NOS3: variants seen among roughly 807,000 people sequenced by gnomAD.
NOS3 encodes NOS type III.
Under a neutral mutation model 144.9 loss-of-function variants are expected in NOS3, and 98 were observed. That is an observed-to-expected ratio of 0.68 (90% CI 0.57 to 0.80). NOS3 has a LOEUF of 0.80. Among genes scored for constraint, NOS3 ranks in the 30% least tolerant of loss-of-function variants. The pLI is 0.00. For synonymous variants in NOS3, 714 were observed against 702.4 expected (o/e 1.02, Z -0.26); for missense variants, 1,465 against 1,656.4 (o/e 0.88, Z 2.01).
chr7:150,998,654 G>C lies in NOS3; in HGVS notation c.790G>C (p.Asp264His). The C allele has an allele frequency of 6.2e-7, 1 of 1,608,116 alleles. No homozygotes were observed. The highest frequency in any genetic ancestry group is 8.5e-7 in the Non-Finnish European group (1 of 1,178,590). ...YRQQDGSVRG[D>H]PANVEITELC... ...GCAGCAGGATGGCTCTGTGCGGGGGGACCCAGCCAACGTGGAGATCACCGA... is the reference window on the plus strand; with the variant it reads ...GCAGCAGGATGGCTCTGTGCGGGGGCACCCAGCCAACGTGGAGATCACCGA... Residue 264 changes from aspartate to histidine, a missense_variant, in exon 7 of 27, where the codon GAC becomes CAC. Asp to His is a moderately conservative substitution (Grantham distance 81). This residue lies in a region of NOS3 where 374 missense variants were observed against 377.0 expected (regional missense o/e 0.99). Transcript: ENST00000297494. This position sits in a 1 kb window ranked among gnomAD's most constrained non-coding sequence, Gnocchi z 5.0.
At position 151,006,804 on chromosome 7, in the gene NOS3, C is replaced by T. The variant is rs34372288; in HGVS notation, c.1821-85C>T. ...CTTTCCTGTCCCAGAGGCAGAGACC[C>T]TGAAGCCGTCCCTGGGGCTGGGGCT... On this transcript the variant is annotated intron_variant, in intron 15 of 26. Transcript: ENST00000297494. 224 of 1,105,310 alleles carry T rather than the reference C, an allele frequency of 2.0e-4. 1 individual carries two copies. The African/African-American group carries it at 2.8e-3, about 14-fold the overall frequency. 68.5% of individuals were successfully genotyped at this position (1,105,310 alleles called of 1,614,324 possible).
Position 151,002,004 on chromosome 7 carries a change from G to T in NOS3, c.1647+39G>T. On this transcript the variant is annotated intron_variant, in intron 13 of 26. Coordinates refer to ENST00000297494, the MANE Select transcript of NOS3 (RefSeq NM_000603.5). The surrounding 1 kb of genome is among the most constrained non-coding windows in gnomAD (Gnocchi z 4.1). Reference sequence around the variant, plus strand: ...CAGGGGAGCAGGGAGCTAGAAAGAGGGGGCTCTATCAGCATCTTCAGGGGT... The same window carrying T: ...CAGGGGAGCAGGGAGCTAGAAAGAGTGGGCTCTATCAGCATCTTCAGGGGT... The T allele has an allele frequency of 1.2e-6, 2 of 1,610,088 alleles. No individual in the cohort carries two copies. Among genetic ancestry groups the T allele is most frequent in the South Asian group, 2.2e-5 (2 of 91,024 alleles).
chr7:151,000,519 C>G lies in NOS3; in HGVS notation c.1153C>G (p.Leu385Val). The G allele has an allele frequency of 6.2e-7, 1 of 1,613,242 alleles. No individual in the cohort carries two copies. Among genetic ancestry groups the G allele is most frequent in the Non-Finnish European group, 8.5e-7 (1 of 1,179,604 alleles). Residue 385 changes from leucine to valine, a missense_variant, in exon 10 of 27, where the codon CTG (leucine) becomes GTG (valine). This residue lies in a region of NOS3 where 745 missense variants were observed against 853.9 expected (regional missense o/e 0.87). Transcript: ENST00000297494. Reference sequence around the variant, plus strand: ...CCAGGATGTGGCTGTCTGCATGGACCTGGATACCCGGACCACCTCGTCCCT... The same window carrying G: ...CCAGGATGTGGCTGTCTGCATGGACGTGGATACCCGGACCACCTCGTCCCT... ...ILEDVAVCMD[L>V]DTRTTSSLWK...
At chr7:151,005,589 G>A (rs936544134) in intron 14 of NOS3, among the ~76,000 whole-genome samples, 1 of 152,302 alleles carries the variant, frequency 6.6e-6, no homozygotes, top group Non-Finnish European at 1.5e-5. Context: ...CTGCAGCTGC[G>A]AGGACGATCT....
Position 151,012,587 on chromosome 7 carries a change from C to A in NOS3, c.3106+115C>A, listed in dbSNP as rs920151704. On this transcript the variant is annotated intron_variant, in intron 24 of 26. Transcript: ENST00000297494. ...AGGGCAGGAAACAAAGTCCACAAAG[C>A]TGAAAAGACGCTCATGAGACCAAGG... The A allele has an allele frequency of 4.3e-5, 56 of 1,313,132 alleles. No homozygotes were observed. In the Middle Eastern group the frequency reaches 5.9e-4, roughly 14 times the overall value. The allele number at this position is 1,313,132 out of a possible 1,614,324, so 81.3% of individuals were successfully genotyped here.
Position 151,002,442 on chromosome 7 carries a change from ACACACACACACG to A in NOS3, c.1752+140_1752+151del, listed in dbSNP as rs1265776431. On this transcript the variant is annotated intron_variant, in intron 14 of 26. Transcript: ENST00000297494. The surrounding 1 kb of genome is among the most constrained non-coding windows in gnomAD (Gnocchi z 4.1). ...CACACACACACACACACACACACAC[ACACACACACACG>A]CCAGGATGGAAAGGGAGATGCTAAG... is the stretch of plus-strand genomic sequence containing the variant. The A allele has an allele frequency of 2.7e-5, 13 of 474,380 alleles. No individual in the cohort carries two copies. Among genetic ancestry groups the A allele is most frequent in the African/African-American group, 2.7e-4 (12 of 44,788 alleles). The allele number at this position is 474,380 out of a possible 1,614,324, so 29.4% of individuals were successfully genotyped here. A position where few individuals can be genotyped will look rare whatever the true frequency, so the allele number is the denominator to read the frequency against.
At chr7:151,009,689 A>G (rs1795265082) in intron 20 of NOS3, 104 bp downstream of exon 20, 3 of 952,022 alleles carry the variant, frequency 3.2e-6, no homozygotes, top group Non-Finnish European at 4.5e-6. Flanking sequence ...GGGGGTGGCC[A>G]CCTCCTCCAC....
intron 2 of NOS3, among the ~76,000 whole-genome samples, chr7:150,994,780 T>C (rs977325707): frequency 3.3e-5 from 5 of 152,060 alleles, no homozygotes; most frequent in African/African-American, 1.2e-4. Context: ...CCTTCACACA[T>C]GGGGCTGCTG....
rs896170904 is a variant in NOS3 at position 150,998,260 on chromosome 7, G to A, written c.583-97G>A. 2.8e-6 allele frequency: 3 copies of A among 1,072,148 alleles called. No individual in the cohort carries two copies. The highest frequency in any genetic ancestry group is 1.6e-5 in the African/African-American group (1 of 64,328). The allele number at this position is 1,072,148 out of a possible 1,614,324, so 66.4% of individuals were successfully genotyped here. A position where few individuals can be genotyped will look rare whatever the true frequency, so the allele number is the denominator to read the frequency against. On this transcript the variant is annotated intron_variant, in intron 5 of 26. Transcript: ENST00000297494. The surrounding 1 kb of genome is among the most constrained non-coding windows in gnomAD (Gnocchi z 5.0). ...AGGAGGGCGCCATGGAGTGAACCAT[G>A]GCCCCTGCCTCCTCACCAGCAGCTC...
Position 150,993,368 on chromosome 7 carries a change from G to T in NOS3, c.-51-385G>T, listed in dbSNP as rs960300222. Among the ~76,000 whole-genome samples, 8 of 152,156 alleles carry T rather than the reference G, an allele frequency of 5.3e-5. No individual in the cohort carries two copies. Among genetic ancestry groups the T allele is most frequent in the African/African-American group, 1.9e-4 (8 of 41,414 alleles). On this transcript the variant is annotated intron_variant, in intron 1 of 26. Coordinates refer to ENST00000297494, the MANE Select transcript of NOS3 (RefSeq NM_000603.5). The surrounding 1 kb of genome is among the most constrained non-coding windows in gnomAD (Gnocchi z 4.0). The stretch of plus-strand genomic sequence containing the variant: ...GCTGCCATCCCCTGCTACAGAAACG[G>T]TGCTCACCTTCTGCCCAACCCTCCA...
Position 151,002,442 on chromosome 7 carries a change from AC to A in NOS3, c.1752+139del. 1 of 474,380 alleles carries A rather than the reference AC, an allele frequency of 2.1e-6. No homozygotes were observed. Among genetic ancestry groups the A allele is most frequent in the Non-Finnish European group, 3.8e-6 (1 of 266,296 alleles). 29.4% of individuals were successfully genotyped at this position (474,380 alleles called of 1,614,324 possible). ...CACACACACACACACACACACACAC[AC>A]ACACACACACGCCAGGATGGAAAGG... On this transcript the variant is annotated intron_variant, in intron 14 of 26. Coordinates refer to ENST00000297494, the MANE Select transcript of NOS3 (RefSeq NM_000603.5). The surrounding 1 kb of genome is among the most constrained non-coding windows in gnomAD (Gnocchi z 4.1).
rs1245054601 is a variant in NOS3, at chr7:150,996,913, G to A, written c.570G>A (p.Trp190Ter). The A allele has an allele frequency of 6.4e-7, 1 of 1,573,432 alleles. No homozygotes were observed. Among genetic ancestry groups the A allele is most frequent in the Non-Finnish European group, 8.6e-7 (1 of 1,160,444 alleles). Reference protein sequence around the residue: ...NAPRCVGRIQWGKLQVFDARD... With the variant: ...NAPRCVGRIQ ...CCCGCTGCGTGGGCCGGATCCAGTGGGGGAAGCTGCAGGTGCGGCTGGCCA... is the reference window on the plus strand; with the variant it reads ...CCCGCTGCGTGGGCCGGATCCAGTGAGGGAAGCTGCAGGTGCGGCTGGCCA... The change falls in exon 5 of 27, where the codon TGG becomes TGA. Residue 190 changes from tryptophan (W) to a stop codon, truncating the protein, a stop_gained. Coordinates refer to ENST00000297494, the MANE Select transcript of NOS3 (RefSeq NM_000603.5). LOFTEE classifies it high-confidence loss of function.
Position 151,000,564 on chromosome 7 carries a change from G to A in NOS3, c.1198G>A (p.Val400Met), listed in dbSNP as rs564627807. Residue 400 changes from valine to methionine, a missense_variant, in exon 10 of 27, where the codon GTG becomes ATG. Physicochemically the swap from Val to Met is conservative, Grantham distance 21 (BLOSUM62 1). This residue lies in a region of NOS3 where 745 missense variants were observed against 853.9 expected (regional missense o/e 0.87). Transcript: ENST00000297494. ...TSSLWKDKAA[V>M]EINVAVLHSY... ...GTCCCTGTGGAAAGACAAGGCAGCAGTGGAAATCAACGTGGCCGTGCTGCA... is the reference window on the plus strand; with the variant it reads ...GTCCCTGTGGAAAGACAAGGCAGCAATGGAAATCAACGTGGCCGTGCTGCA... The A allele has an allele frequency of 5.1e-5, 82 of 1,613,578 alleles. 2 individuals are homozygous for A. The South Asian group carries it at 8.2e-4, about 16-fold the overall frequency.
Position 151,013,323 on chromosome 7 carries a change from CGCG to C in NOS3, c.3201_3203del (p.Gly1068del). On this transcript the variant is annotated inframe_deletion, in exon 25 of 27. Coordinates refer to ENST00000297494, the MANE Select transcript of NOS3 (RefSeq NM_000603.5). Reference sequence around the variant, plus strand: ...CGACGAGGTGCAGAACGCCCAGCAGCGCGGGGTGTTTGGCCGAGTCCTCACCGC... The same window carrying C: ...CGACGAGGTGCAGAACGCCCAGCAGCGGGTGTTTGGCCGAGTCCTCACCGC... 6.2e-7 allele frequency: 1 copy of C among 1,614,064 alleles called. No homozygotes were observed. The highest frequency in any genetic ancestry group is 1.1e-5 in the South Asian group (1 of 91,088).
intron 9 of NOS3, 24 bp from the exon 10 acceptor site, chr7:151,000,472 CGA>C: frequency 6.9e-7 from 1 of 1,452,506 alleles, no homozygotes. Context: ...CTGTCCCTAC[CGA>C]TGCCACACAC....
At chr7:150,991,518 A>C (rs1937754802) in intron 1 of NOS3, among the ~76,000 whole-genome samples, 1 of 152,224 alleles carries the variant, frequency 6.6e-6, no homozygotes, top group African/African-American at 2.4e-5. Context: ...GCACCAAGGA[A>C]AATGAGGGCC....
rs1448004843 is a variant in NOS3 at position 151,007,082 on chromosome 7, T to C, written c.1938-20T>C. ...ACGTGGCCTGCAAAGGGAGCTCCAC[T>C]GACGACCCCTGCACCCCAGGTTCTG... On this transcript the variant is annotated intron_variant, in intron 16 of 26. Transcript: ENST00000297494. 1 of 1,614,102 alleles carries C rather than the reference T, an allele frequency of 6.2e-7. No individual in the cohort carries two copies. Among genetic ancestry groups the C allele is most frequent in the Admixed American group, 1.7e-5 (1 of 60,032 alleles).
rs989598709 is a variant in NOS3 at position 151,003,537 on chromosome 7, C to CT, written c.1752+1241dup. 84 of 1,267,898 alleles carry CT rather than the reference C, an allele frequency of 6.6e-5. No individual in the cohort carries two copies. Among genetic ancestry groups the CT allele is most frequent in the Middle Eastern group, 2.2e-4 (1 of 4,568 alleles). 78.5% of individuals were successfully genotyped at this position (1,267,898 alleles called of 1,614,324 possible). On this transcript the variant is annotated intron_variant, in intron 14 of 26. Coordinates refer to ENST00000297494, the MANE Select transcript of NOS3 (RefSeq NM_000603.5). This position sits in a 1 kb window ranked among gnomAD's most constrained non-coding sequence, Gnocchi z 4.1. ...CAAGAAAAATAGCACCAGCAATTGA[C>CT]TTTTTTTTAGCATAAAGGTGTATAG...
intron 2 of NOS3, 137 bp downstream of exon 2, chr7:150,994,098 T>C (rs889133817): frequency 2.1e-6 from 2 of 950,430 alleles, no homozygotes; most frequent in Non-Finnish European, 3.2e-6. Context: ...TTAATGTGCA[T>C]AGAACAGGAC....
Sources: allele counts gnomAD v4.1 joint callset (sites outside exome capture counted in the v4.1 genomes callset), GRCh38; gene constraint gnomAD v4.1.1; regional missense constraint gnomAD v4.1.1; non-coding constraint Gnocchi (gnomAD v3.1); transcripts MANE v1.5; gene names NCBI Gene and HGNC (gene_info 2026-07-23, HGNC 2026-07-21).